The following HS6ST2 variants were observed in gnomAD, a reference collection of about 807,000 sequenced individuals.
The protein encoded by HS6ST2 is heparan sulfate 6-O-sulfotransferase 2, also known as heparan-sulfate 6-O-sulfotransferase 2.
HS6ST2 carries 17 observed loss-of-function variants against 33.0 expected under a neutral mutation model. The observed-to-expected ratio is 0.52, with a 90% CI of 0.35 to 0.77. The LOEUF is 0.77. Among genes scored for constraint, HS6ST2 ranks in the 30% least tolerant of loss-of-function variants. The pLI is 0.01. For synonymous variants in HS6ST2, 248 were observed against 237.1 expected, an observed-to-expected ratio of 1.05 and a Z score of -0.42; for missense variants, 519 against 551.7, an observed-to-expected ratio of 0.94 and a Z score of 0.59.
chrX:132,942,112 G>A (rs1445182358), intron 2 of HS6ST2, among the ~76,000 whole-genome samples: 5 of 111,133 alleles, frequency 4.5e-5, no homozygotes, highest in African/African-American at 1.3e-4. Flanking sequence ...CTCTGGAGCT[G>A]GCCTATTATA....
chrX:132,882,805 T>C (rs1159548831), intron 2 of HS6ST2, among the ~76,000 whole-genome samples: 2 of 111,402 alleles, frequency 1.8e-5, no homozygotes, highest in East Asian at 5.6e-4. Flanking sequence ...ATCCCATCAA[T>C]ACCTAATTTA....
rs186661924 is a variant in HS6ST2, at chrX:132,666,612, G to C, written c.1067+2501C>G. On this transcript the variant is annotated intron_variant, in intron 4 of 4. Transcript: ENST00000370833. ...GAGACAAAATGTACCAAGTGCTTGG[G>C]ACACAGGTTGGCCCGTAACACTCAG... Among the ~76,000 whole-genome samples the C allele has an allele frequency of 5.4e-5, 6 of 111,010 alleles. No homozygotes were observed. The East Asian group carries it at 1.7e-3, about 31-fold the overall frequency.
intron 2 of HS6ST2, among the ~76,000 whole-genome samples, chrX:132,821,501 C>T (rs1018862875): frequency 1.8e-5 from 2 of 110,078 alleles, no homozygotes; most frequent in Non-Finnish European, 3.8e-5. Context: ...CGTGAGCCAC[C>T]GCACTTGGCC....
intron 4 of HS6ST2, among the ~76,000 whole-genome samples, chrX:132,661,660 A>G (rs189761778): frequency 6.7e-4 from 75 of 112,380 alleles, no homozygotes; most frequent in African/African-American, 2.4e-3. Flanking sequence ...AAATCCCAGC[A>G]GGCTTCTTTT....
chrX:132,766,970 C>A (rs2064854211), intron 2 of HS6ST2, among the ~76,000 whole-genome samples: 1 of 111,915 alleles, frequency 8.9e-6, no homozygotes, highest in Non-Finnish European at 1.9e-5. Context: ...CAGTGTCACA[C>A]AGCTGGCAAA....
intron 2 of HS6ST2, among the ~76,000 whole-genome samples, chrX:132,856,196 T>G (rs765101936): frequency 8.9e-6 from 1 of 112,202 alleles, no homozygotes; most frequent in South Asian, 3.7e-4. Flanking sequence ...CCATGGTCAC[T>G]CACAGTCAGG....
intron 2 of HS6ST2, among the ~76,000 whole-genome samples, chrX:132,760,662 T>C (rs996402259): frequency 9.0e-6 from 1 of 111,632 alleles, no homozygotes; most frequent in East Asian, 2.8e-4. Flanking sequence ...TGTGTATACA[T>C]GACCATGTGT....
intron 4 of HS6ST2, among the ~76,000 whole-genome samples, chrX:132,647,416 G>T (rs952557538): frequency 6.3e-5 from 7 of 111,668 alleles, no homozygotes; most frequent in Admixed American, 5.7e-4. Flanking sequence ...CAGATCAGCT[G>T]AAATAAGGCC....
chrX:132,700,816 T>A (rs2064138776), intron 3 of HS6ST2, among the ~76,000 whole-genome samples: 1 of 110,663 alleles, frequency 9.0e-6, no homozygotes, highest in Non-Finnish European at 1.9e-5. Context: ...ATAGCCGCAA[T>A]CCTCTCTTTC....
chrX:132,710,831 C>T (rs1200770256), intron 2 of HS6ST2, among the ~76,000 whole-genome samples: 1 of 111,396 alleles, frequency 9.0e-6, no homozygotes, highest in African/African-American at 3.3e-5. Flanking sequence ...AAACAGGAAG[C>T]CTCTAAGTGG....
chrX:132,832,204 A>T (rs1442473681), intron 2 of HS6ST2, among the ~76,000 whole-genome samples: 9 of 112,182 alleles, frequency 8.0e-5, no homozygotes, highest in Non-Finnish European at 1.5e-4. Context: ...AGCTAATATA[A>T]ATAATAGATT....
intron 2 of HS6ST2, among the ~76,000 whole-genome samples, chrX:132,804,279 C>G (rs1222406195): frequency 9.0e-6 from 1 of 111,580 alleles, no homozygotes; most frequent in Admixed American, 9.5e-5. Context: ...TTGGCCATAT[C>G]CATTGCCACC....
chrX:132,804,739 C>T (rs992389276), intron 2 of HS6ST2, among the ~76,000 whole-genome samples: 5 of 111,277 alleles, frequency 4.5e-5, no homozygotes, highest in Non-Finnish European at 7.5e-5. Flanking sequence ...GTTGAGGCTG[C>T]TATGAGCCGA....
intron 2 of HS6ST2, among the ~76,000 whole-genome samples, chrX:132,884,727 A>G (rs1444152953): frequency 9.0e-6 from 1 of 111,394 alleles, no homozygotes; most frequent in Non-Finnish European, 1.9e-5. Context: ...AAGGTAACTG[A>G]AGGCTTGGGA....
chrX:132,918,943 T>A, intron 2 of HS6ST2, among the ~76,000 whole-genome samples: 1 of 112,441 alleles, frequency 8.9e-6, no homozygotes, highest in South Asian at 3.7e-4. Context: ...GAAAAAGAGA[T>A]AATGAGAGGA....
intron 2 of HS6ST2, among the ~76,000 whole-genome samples, chrX:132,844,971 G>A (rs2065738464): frequency 9.2e-6 from 1 of 108,855 alleles, no homozygotes; most frequent in Non-Finnish European, 1.9e-5. Context: ...TCCAGTGTTG[G>A]TATCCTAAAT....
chrX:132,958,025 G>A (rs2067106223), intron 1 of HS6ST2, 150 bp downstream of exon 1: 2 of 524,038 alleles, frequency 3.8e-6, no homozygotes, highest in Non-Finnish European at 5.7e-6. Context: ...GCAAATGCGC[G>A]CCGCACCCCT....
chrX:132,887,924 C>T (rs2066268266), intron 2 of HS6ST2, among the ~76,000 whole-genome samples: 1 of 111,622 alleles, frequency 9.0e-6, no homozygotes, highest in African/African-American at 3.3e-5. Context: ...TTATATGGCT[C>T]CATTTATGTG....
At chrX:132,882,364 G>A (rs2148442334) in intron 2 of HS6ST2, among the ~76,000 whole-genome samples, 1 of 108,988 alleles carries the variant, frequency 9.2e-6, no homozygotes, top group East Asian at 2.9e-4. Context: ...TGGGTTCCTA[G>A]GTATTTTATT....
Sources: allele counts gnomAD v4.1 joint callset (sites outside exome capture counted in the v4.1 genomes callset), GRCh38; gene constraint gnomAD v4.1.1; transcripts MANE v1.5; gene names NCBI Gene and HGNC (gene_info 2026-07-23, HGNC 2026-07-21).